CDK5RAP2: variants seen among roughly 807,000 people sequenced by gnomAD.
The protein encoded by CDK5RAP2 is CDK5 regulatory subunit associated protein 2.
A neutral mutation model predicts 232.9 loss-of-function variants in CDK5RAP2; 147 were observed. That is an observed-to-expected ratio of 0.63 (90% confidence interval 0.55 to 0.72). The LOEUF (loss-of-function observed/expected upper bound fraction) is 0.72. CDK5RAP2 is among the 30% of genes least tolerant of loss of function. The pLI is 0.00. For synonymous variants in CDK5RAP2, 833 were observed against 833.7 expected, an observed-to-expected ratio of 1.00 and a Z score of 0.01; for missense variants, 2,195 against 2,231.5, an observed-to-expected ratio of 0.98 and a Z score of 0.33.
chr9:120,571,145 A>G (rs2042841274), intron 2 of CDK5RAP2, among the ~76,000 whole-genome samples: 1 of 152,232 alleles, frequency 6.6e-6, no homozygotes, highest in Non-Finnish European at 1.5e-5. Flanking sequence ...GTGACAGGAC[A>G]AGACCATGTC....
intron 7 of CDK5RAP2, among the ~76,000 whole-genome samples, chr9:120,533,774 G>A (rs1260654952): frequency 7.2e-6 from 1 of 139,342 alleles, no homozygotes; most frequent in East Asian, 2.2e-4. Flanking sequence ...CTCTAGCCTG[G>A]AGGACAGAGT....
intron 19 of CDK5RAP2, among the ~76,000 whole-genome samples, chr9:120,459,251 C>G (rs955314232): frequency 1.1e-4 from 16 of 152,118 alleles, no homozygotes; most frequent in African/African-American, 3.6e-4. Context: ...ACTGAGGGTC[C>G]CAGAGGAGTG....
chr9:120,406,799 G>C, intron 32 of CDK5RAP2: 1 of 584,688 alleles, frequency 1.7e-6, no homozygotes, highest in East Asian at 2.8e-5. Context: ...ACTTCCCTGA[G>C]AATCAAGATG....
At chr9:120,487,667 G>C (rs554599819) in intron 13 of CDK5RAP2, among the ~76,000 whole-genome samples, 9 of 152,280 alleles carry the variant, frequency 5.9e-5, no homozygotes, top group African/African-American at 2.2e-4. Flanking sequence ...CAGAGCCAAG[G>C]ATGGTCGCAG....
intron 3 of CDK5RAP2, among the ~76,000 whole-genome samples, chr9:120,557,930 T>C (rs2042297288): frequency 6.7e-6 from 1 of 149,970 alleles, no homozygotes; most frequent in African/African-American, 2.4e-5. Flanking sequence ...CACACCTGGC[T>C]AATTTTTGTA....
chr9:120,461,588 C>T (rs1018192909), intron 18 of CDK5RAP2, among the ~76,000 whole-genome samples: 1 of 152,184 alleles, frequency 6.6e-6, no homozygotes, highest in African/African-American at 2.4e-5. Context: ...CACCTGTAAT[C>T]CTAGCACTTT....
intron 25 of CDK5RAP2, among the ~76,000 whole-genome samples, chr9:120,428,163 CA>C: frequency 6.6e-6 from 1 of 152,012 alleles, no homozygotes; most frequent in South Asian, 2.1e-4. Flanking sequence ...AGGAAAGATC[CA>C]AAATTGACAC....
Position 120,409,289 on chromosome 9 carries a change from C to T in CDK5RAP2, c.4442G>A (p.Arg1481Gln), listed in dbSNP as rs149917105. Reference sequence around the variant, plus strand: ...CACGGTCTTCCTGGAGAGGGACTCTCGTAATTTGTCATTCTCCTTCTGTTT... The same window carrying T: ...CACGGTCTTCCTGGAGAGGGACTCTTGTAATTTGTCATTCTCCTTCTGTTT... The part of the protein sequence containing the change: ...RDKQKENDKL[R>Q]ESLSRKTVSL... The change falls in exon 30 of 38, where the codon CGA becomes CAA. Residue 1481 changes from arginine to glutamine, a missense_variant. Transcript: ENST00000349780. 41 of 1,606,832 alleles carry T rather than the reference C, an allele frequency of 2.6e-5. No homozygotes were observed. In the African/African-American group the frequency reaches 3.6e-4, roughly 14 times the overall value.
At chr9:120,487,706 A>G (rs975069021) in intron 13 of CDK5RAP2, among the ~76,000 whole-genome samples, 2 of 152,132 alleles carry the variant, frequency 1.3e-5, no homozygotes, top group African/African-American at 4.8e-5. Flanking sequence ...GCTCACCACC[A>G]CTGTGACTAC....
intron 14 of CDK5RAP2, among the ~76,000 whole-genome samples, chr9:120,486,738 T>C (rs769173164): frequency 1.3e-5 from 2 of 152,096 alleles, no homozygotes; most frequent in Non-Finnish European, 2.9e-5. Context: ...CAGGAAAGAC[T>C]CCAGAGAGAA....
chr9:120,504,240 G>C (rs957964587), intron 12 of CDK5RAP2, among the ~76,000 whole-genome samples: 2 of 152,112 alleles, frequency 1.3e-5, no homozygotes, highest in African/African-American at 4.8e-5. Context: ...TCAAGTAGAA[G>C]TAGAAGTGCA....
chr9:120,453,902 A>T (rs759864100), intron 20 of CDK5RAP2, 29 bp from the exon 21 acceptor site: 1 of 1,612,114 alleles, frequency 6.2e-7, no homozygotes, highest in African/African-American at 1.3e-5. Flanking sequence ...AGGAAGTGGG[A>T]GAACCAAGCT....
chr9:120,568,271 T>C (rs763675355), intron 3 of CDK5RAP2, 50 bp downstream of exon 3: 13 of 1,389,268 alleles, frequency 9.4e-6, no homozygotes, highest in Non-Finnish European at 1.2e-5. Context: ...GGCTGGACAG[T>C]GGCAGCAGAC....
At chr9:120,460,476 T>C in intron 19 of CDK5RAP2, 96 bp downstream of exon 19, 2 of 1,120,638 alleles carry the variant, frequency 1.8e-6, no homozygotes, top group Non-Finnish European at 2.7e-6. Context: ...ATAGGCAGAA[T>C]GAACAGAAAA....
chr9:120,453,213 T>C (rs2036569696), intron 21 of CDK5RAP2, among the ~76,000 whole-genome samples: 1 of 151,810 alleles, frequency 6.6e-6, no homozygotes, highest in Admixed American at 6.6e-5. Flanking sequence ...TGTCACAATA[T>C]ATAGATAAAT....
At chr9:120,420,368 G>A (rs568374597) in intron 26 of CDK5RAP2, among the ~76,000 whole-genome samples, 103 of 152,250 alleles carry the variant, frequency 6.8e-4, no homozygotes, top group African/African-American at 2.4e-3. Flanking sequence ...TCATAAACTG[G>A]CCCACTGTCT....
chr9:120,478,816 C>T (rs917239057), intron 14 of CDK5RAP2, among the ~76,000 whole-genome samples: 9 of 152,062 alleles, frequency 5.9e-5, no homozygotes, highest in Admixed American at 1.3e-4. Context: ...GTATTTTACA[C>T]TTGAAATGTG....
chr9:120,453,338 G>T, intron 21 of CDK5RAP2, 118 bp downstream of exon 21: 1 of 922,154 alleles, frequency 1.1e-6, no homozygotes. Context: ...TGCAAGCAGA[G>T]GGAGACACTG....
At chr9:120,547,687 A>T (rs1298428418) in intron 4 of CDK5RAP2, among the ~76,000 whole-genome samples, 2 of 152,154 alleles carry the variant, frequency 1.3e-5, no homozygotes, top group African/African-American at 4.8e-5. Context: ...CTAGAGAAGC[A>T]AGTACTTCAC....
Sources: gnomAD v4.1 joint callset for allele counts (sites outside exome capture counted in the v4.1 genomes callset) on GRCh38, gnomAD v4.1.1 for gene constraint, MANE v1.5 for transcripts, NCBI Gene and HGNC (gene_info 2026-07-23, HGNC 2026-07-21) for gene names.